HPCAL1: variants seen among roughly 807,000 people sequenced by gnomAD.
HPCAL1 encodes hippocalcin-like protein 1.
A neutral mutation model predicts 17.1 loss-of-function variants in HPCAL1; 8 were observed. The ratio of observed to expected loss-of-function variants is 0.47; its 90% CI spans 0.27 to 0.84. The LOEUF (loss-of-function observed/expected upper bound fraction) is 0.84, where lower values mean the gene tolerates loss of function less well. Ranked by LOEUF, HPCAL1 falls within the 40% of genes least tolerant of loss-of-function variation. HPCAL1 has a pLI of 0.13. For synonymous variants in HPCAL1, 112 were observed against 111.4 expected, an observed-to-expected ratio of 1.01 and a Z score of -0.03; for missense variants, 165 against 271.1, an observed-to-expected ratio of 0.61 and a Z score of 2.75.
intron 4 of HPCAL1, chr2:10,425,135 TCGGCCTGAGACA>T (rs1484817392): frequency 6.3e-6 from 1 of 157,808 alleles, no homozygotes; most frequent in Non-Finnish European, 1.4e-5. Flanking sequence ...CTGCTCTCTC[TCGGCCTGAGACA>T]GGAGGGCCTG....
intron 1 of HPCAL1, among the ~76,000 whole-genome samples, chr2:10,305,453 C>T: frequency 6.6e-6 from 1 of 152,190 alleles, no homozygotes; most frequent in East Asian, 1.9e-4. Context: ...GGCCCGGGGG[C>T]CCTGCCTCTC....
At chr2:10,376,688 C>T (rs770540143) in intron 1 of HPCAL1, among the ~76,000 whole-genome samples, 1 of 152,154 alleles carries the variant, frequency 6.6e-6, no homozygotes, top group African/African-American at 2.4e-5. Context: ...CTGCCCGCCT[C>T]GGCTTCCCAA....
At chr2:10,372,761 T>C (rs1667307069) in intron 1 of HPCAL1, among the ~76,000 whole-genome samples, 1 of 152,214 alleles carries the variant, frequency 6.6e-6, no homozygotes, top group Admixed American at 6.5e-5. Context: ...GTGGAGACGG[T>C]GACAGCTGTT....
chr2:10,382,749 G>T (rs766463086), intron 1 of HPCAL1, among the ~76,000 whole-genome samples: 2 of 152,244 alleles, frequency 1.3e-5, no homozygotes, highest in African/African-American at 4.8e-5. Flanking sequence ...CCCTGCTCCC[G>T]TGTGGGACCC....
Position 10,421,171 on chromosome 2 carries a change from C to T in HPCAL1, c.378+1036C>T, listed in dbSNP as rs557705800. On this transcript the variant is annotated intron_variant, in intron 3 of 4. Coordinates refer to ENST00000307845, the MANE Select transcript of HPCAL1 (RefSeq NM_002149.4). Reference sequence around the variant, plus strand: ...ATAGCTTGTGATGTCCCCAGGAATGCGCAGTCATCAAGTAAAACTGAAGCA... The same window carrying T: ...ATAGCTTGTGATGTCCCCAGGAATGTGCAGTCATCAAGTAAAACTGAAGCA... Among the ~76,000 whole-genome samples, 5 of 152,196 alleles carry T rather than the reference C, an allele frequency of 3.3e-5. No individual in the cohort carries two copies. The South Asian group carries it at 6.2e-4, about 19-fold the overall frequency.
chr2:10,375,181 C>G (rs995056799), intron 1 of HPCAL1, among the ~76,000 whole-genome samples: 1 of 152,244 alleles, frequency 6.6e-6, no homozygotes, highest in Non-Finnish European at 1.5e-5. Flanking sequence ...ACAGTGTGCC[C>G]TGCCCCAGCA....
chr2:10,414,390 C>T (rs1265792680), intron 2 of HPCAL1, among the ~76,000 whole-genome samples: 1 of 152,102 alleles, frequency 6.6e-6, no homozygotes, highest in Admixed American at 6.6e-5. Flanking sequence ...TGGGTGTTGG[C>T]AGGGTTGGGT....
At chr2:10,390,418 A>AC (rs1375320380) in intron 1 of HPCAL1, among the ~76,000 whole-genome samples, 1 of 152,112 alleles carries the variant, frequency 6.6e-6, no homozygotes, top group African/African-American at 2.4e-5. Flanking sequence ...TGTGCTTATC[A>AC]CCCGGAGGCC....
intron 1 of HPCAL1, among the ~76,000 whole-genome samples, chr2:10,332,445 C>T (rs1222873339): frequency 1.3e-5 from 2 of 152,196 alleles, no homozygotes; most frequent in Non-Finnish European, 2.9e-5. Context: ...CCCTCGGTGC[C>T]CCCTGCCCCT....
At chr2:10,352,046 G>A (rs762028915) in intron 1 of HPCAL1, among the ~76,000 whole-genome samples, 3 of 151,776 alleles carry the variant, frequency 2.0e-5, no homozygotes, top group African/African-American at 4.8e-5. Context: ...GGGATTACAG[G>A]TGCGTACCAC....
At chr2:10,335,734 C>G (rs1163368498) in intron 1 of HPCAL1, among the ~76,000 whole-genome samples, 1 of 152,160 alleles carries the variant, frequency 6.6e-6, no homozygotes, top group Non-Finnish European at 1.5e-5. Context: ...GTTTCACTCC[C>G]CTCTACAAGG....
intron 1 of HPCAL1, chr2:10,368,950 G>T (rs2125505805): frequency 6.6e-6 from 1 of 152,380 alleles, no homozygotes; most frequent in South Asian, 2.1e-4. Context: ...AACCGAGTGG[G>T]GAGGGACCGC....
chr2:10,359,060 C>A lies in HPCAL1; in HGVS notation c.-110-37775C>A, dbSNP rs1038403501. Among the ~76,000 whole-genome samples, 1 of 148,554 alleles carries A rather than the reference C, an allele frequency of 6.7e-6. No individual in the cohort carries two copies. The highest frequency in any genetic ancestry group is 1.5e-5 in the Non-Finnish European group (1 of 67,900). On this transcript the variant is annotated intron_variant, in intron 1 of 4. Transcript: ENST00000307845. This position sits in a 1 kb window ranked among gnomAD's most constrained non-coding sequence, Gnocchi z 4.1. ...GTTTGACCCGTCTGCATGCTCCCCT[C>A]GAGGTTTGACCCGTCTGCATGCTCC...
rs1441770540 is a variant in HPCAL1 at position 10,343,404 on chromosome 2, T to G, written c.-111+40227T>G. Among the ~76,000 whole-genome samples the G allele has an allele frequency of 6.6e-6, 1 of 152,198 alleles. No individual in the cohort carries two copies. Among genetic ancestry groups the G allele is most frequent in the Non-Finnish European group, 1.5e-5 (1 of 68,038 alleles). ...TGTGAAGGACTGATAGCACCATATC[T>G]CCCTCCAGGACTCCCGGGTGGGAGG... On this transcript the variant is annotated intron_variant, in intron 1 of 4. Coordinates refer to ENST00000307845, the MANE Select transcript of HPCAL1 (RefSeq NM_002149.4). This position sits in a 1 kb window ranked among gnomAD's most constrained non-coding sequence, Gnocchi z 4.8.
chr2:10,332,937 A>G (rs1664476940), intron 1 of HPCAL1, among the ~76,000 whole-genome samples: 1 of 120,540 alleles, frequency 8.3e-6, no homozygotes, highest in African/African-American at 3.3e-5. Context: ...GAGGGCTCAG[A>G]GGAGCCTGAG....
At chr2:10,407,252 G>A (rs569300003) in intron 2 of HPCAL1, among the ~76,000 whole-genome samples, 9 of 152,254 alleles carry the variant, frequency 5.9e-5, no homozygotes, top group South Asian at 4.1e-4. Flanking sequence ...CCAGAATACC[G>A]AGTCTGAATG....
intron 1 of HPCAL1, among the ~76,000 whole-genome samples, chr2:10,385,535 A>G (rs1050034927): frequency 1.1e-4 from 17 of 151,996 alleles, no homozygotes; most frequent in African/African-American, 3.6e-4. Flanking sequence ...TTTTCATCCA[A>G]TGTGCTGGGC....
At chr2:10,325,446 C>T (rs984296222) in intron 1 of HPCAL1, among the ~76,000 whole-genome samples, 4 of 152,214 alleles carry the variant, frequency 2.6e-5, no homozygotes, top group East Asian at 1.9e-4. Context: ...GGCTCCAAGG[C>T]GGCAGTGCCA....
rs544411121 is a variant in HPCAL1 at position 10,390,759 on chromosome 2, G to A, written c.-110-6076G>A. Reference sequence around the variant, plus strand: ...CCAGCCAGTGAGGGAAATGGGCACCGAATGCACCCCACCCCCCGGCCTGGG... The same window carrying A: ...CCAGCCAGTGAGGGAAATGGGCACCAAATGCACCCCACCCCCCGGCCTGGG... On this transcript the variant is annotated intron_variant, in intron 1 of 4. Coordinates refer to ENST00000307845, the MANE Select transcript of HPCAL1 (RefSeq NM_002149.4). Among the ~76,000 whole-genome samples the A allele has an allele frequency of 4.6e-5, 7 of 152,212 alleles. No homozygotes were observed. The South Asian group carries it at 6.2e-4, about 14-fold the overall frequency.
Sources: gnomAD v4.1 joint callset for allele counts (sites outside exome capture counted in the v4.1 genomes callset) on GRCh38, gnomAD v4.1.1 for gene constraint, Gnocchi (gnomAD v3.1) non-coding constraint, MANE v1.5 for transcripts, NCBI Gene and HGNC (gene_info 2026-07-23, HGNC 2026-07-21) for gene names.